PTPRQ: variants seen among roughly 807,000 people sequenced by gnomAD.
PTPRQ encodes protein tyrosine phosphatase receptor type Q.
PTPRQ carries 199 observed loss-of-function variants against 246.0 expected under a neutral mutation model. That is an observed-to-expected ratio of 0.81 (90% confidence interval 0.72 to 0.91). PTPRQ has a LOEUF of 0.91. Among genes scored for constraint, PTPRQ ranks in the 40% least tolerant of loss-of-function variants. The pLI is 0.00. For synonymous variants in PTPRQ, 869 were observed against 853.2 expected (o/e 1.02, Z -0.32); for missense variants, 2,624 against 2,528.4 (o/e 1.04, Z -0.81).
At chr12:80,557,715 C>A (rs969468458) in intron 25 of PTPRQ, among the ~76,000 whole-genome samples, 1 of 152,086 alleles carries the variant, frequency 6.6e-6, no homozygotes, top group African/African-American at 2.4e-5. Context: ...TCCTTCATAT[C>A]CTTTATCCAT....
rs189853705 is a variant in PTPRQ, at chr12:80,554,504, A to G, written c.4285+4770A>G. On this transcript the variant is annotated intron_variant, in intron 25 of 44. Coordinates refer to ENST00000644991, the MANE Select transcript of PTPRQ (RefSeq NM_001145026.2). ...AGCTCTTCCAAGCTCCATAATTTAG[A>G]ATCAAAAGAGAAAAATAAGGTACTT... 3.3e-5 allele frequency among the ~76,000 whole-genome samples: 5 copies of G among 152,332 alleles called. No homozygotes were observed. The East Asian group carries it at 9.7e-4, about 29-fold the overall frequency.
intron 33 of PTPRQ, among the ~76,000 whole-genome samples, chr12:80,626,255 T>C (rs1284485389): frequency 6.6e-6 from 1 of 152,178 alleles, no homozygotes; most frequent in African/African-American, 2.4e-5. Context: ...ACATACTCTG[T>C]AGTCAAGACA....
intron 27 of PTPRQ, among the ~76,000 whole-genome samples, chr12:80,609,667 C>G (rs1000010815): frequency 8.0e-5 from 12 of 150,512 alleles, no homozygotes; most frequent in Non-Finnish European, 1.8e-4. Flanking sequence ...ATAATTATGA[C>G]ATCCACAATT....
At chr12:80,504,329 TC>T (rs1052110630) in intron 14 of PTPRQ, among the ~76,000 whole-genome samples, 42 of 151,988 alleles carry the variant, frequency 2.8e-4, no homozygotes, top group African/African-American at 9.9e-4. Flanking sequence ...TTTGTTCTGT[TC>T]CAGAAGGTCT....
intron 25 of PTPRQ, among the ~76,000 whole-genome samples, chr12:80,553,523 T>C (rs985540615): frequency 6.6e-6 from 1 of 152,154 alleles, no homozygotes; most frequent in African/African-American, 2.4e-5. Context: ...TCCGTACTTA[T>C]TTTTGACATA....
intron 8 of PTPRQ, among the ~76,000 whole-genome samples, chr12:80,473,055 A>ACGCGCGCGCGCG (rs1555185253): frequency 6.6e-6 from 1 of 150,444 alleles, no homozygotes; most frequent in African/African-American, 2.5e-5. Flanking sequence ...ACGCACACAC[A>ACGCGCGCGCGCG]CACACACACA....
chr12:80,613,965 C>G lies in PTPRQ; in HGVS notation c.5163+129C>G, dbSNP rs1898653802. 4.3e-6 allele frequency: 5 copies of G among 1,149,856 alleles called. No individual in the cohort carries two copies. The Admixed American group carries it at 2.0e-4, about 47-fold the overall frequency. The allele number at this position is 1,149,856 out of a possible 1,614,324, so 71.2% of individuals were successfully genotyped here. Reference sequence around the variant, plus strand: ...CTTTTTGTGAGATTGTTTGACATCTCAACAAAAATAAATTTTGAGAACTGA... The same window carrying G: ...CTTTTTGTGAGATTGTTTGACATCTGAACAAAAATAAATTTTGAGAACTGA... On this transcript the variant is annotated intron_variant, in intron 29 of 44. Transcript: ENST00000644991.
At chr12:80,552,057 G>A (rs1896490013) in intron 25 of PTPRQ, among the ~76,000 whole-genome samples, 1 of 151,928 alleles carries the variant, frequency 6.6e-6, no homozygotes, top group Non-Finnish European at 1.5e-5. Flanking sequence ...TCCCAGACTT[G>A]CTGACTCATA....
chr12:80,455,005 C>T (rs1892926612), intron 3 of PTPRQ, among the ~76,000 whole-genome samples: 1 of 152,150 alleles, frequency 6.6e-6, no homozygotes, highest in African/African-American at 2.4e-5. Flanking sequence ...AATCCCATCT[C>T]TACTCAAAAT....
Position 80,444,396 on chromosome 12 carries a change from A to G in PTPRQ, c.51A>G (p.Thr17=). 1 of 1,456,518 alleles carries G rather than the reference A, an allele frequency of 6.9e-7. No homozygotes were observed. Among genetic ancestry groups the G allele is most frequent in the South Asian group, 1.2e-5 (1 of 81,498 alleles). 90.2% of individuals were successfully genotyped at this position (1,456,518 alleles called of 1,614,324 possible). The change falls in exon 1 of 45, where the codon ACA becomes ACG. Residue 17 remains threonine, a synonymous_variant. Transcript: ENST00000644991. ...FLLLFIGTSE[T]QVDVSNVVPG... Reference sequence around the variant, plus strand: ...TACTTTTTATTGGGACTTCAGAGACACAGGTATTTCGTATACACTCTTTAA... The same window carrying G: ...TACTTTTTATTGGGACTTCAGAGACGCAGGTATTTCGTATACACTCTTTAA...
intron 9 of PTPRQ, among the ~76,000 whole-genome samples, chr12:80,487,466 A>C (rs897414562): frequency 2.6e-5 from 4 of 152,084 alleles, no homozygotes; most frequent in Non-Finnish European, 4.4e-5. Context: ...CTCTGACTGG[A>C]CATAACACAA....
intron 25 of PTPRQ, among the ~76,000 whole-genome samples, chr12:80,566,810 G>T (rs1331480733): frequency 6.6e-6 from 1 of 152,054 alleles, no homozygotes; most frequent in East Asian, 1.9e-4. Context: ...AAAATGCTGC[G>T]ATTACAGGCA....
At chr12:80,549,006 C>T (rs552670844) in intron 24 of PTPRQ, among the ~76,000 whole-genome samples, 2 of 152,088 alleles carry the variant, frequency 1.3e-5, no homozygotes, top group African/African-American at 2.4e-5. Flanking sequence ...AAAACCAGTA[C>T]CTTTAAATTA....
chr12:80,674,988 CTCTT>C (rs1901089918), intron 43 of PTPRQ, among the ~76,000 whole-genome samples: 1 of 152,130 alleles, frequency 6.6e-6, no homozygotes, highest in Non-Finnish European at 1.5e-5. Context: ...AATCCACAGT[CTCTT>C]TGTAGGAATC....
rs1442842940 is a variant in PTPRQ, at chr12:80,444,780, A to G, written c.94A>G (p.Ile32Val). The change falls in exon 2 of 45, where the codon ATA becomes GTA. Residue 32 changes from isoleucine (I) to valine (V), a missense_variant. By Grantham distance (29) the Ile-to-Val change is conservative. Coordinates refer to ENST00000644991, the MANE Select transcript of PTPRQ (RefSeq NM_001145026.2). ...SNVVPGTRYD[I>V]TISSISTTYT... Reference sequence around the variant, plus strand: ...TGTCGTTCCTGGTACTAGGTACGATATAACCATCTCTTCAATTTCTACAAC... The same window carrying G: ...TGTCGTTCCTGGTACTAGGTACGATGTAACCATCTCTTCAATTTCTACAAC... 4 of 1,540,672 alleles carry G rather than the reference A, an allele frequency of 2.6e-6. No homozygotes were observed. The East Asian group carries it at 9.9e-5, about 38-fold the overall frequency.
intron 25 of PTPRQ, among the ~76,000 whole-genome samples, chr12:80,565,821 C>A (rs979442823): frequency 3.2e-4 from 48 of 152,256 alleles, no homozygotes; most frequent in African/African-American, 1.1e-3. Flanking sequence ...ATACTACTAA[C>A]CTCAGCTTAC....
chr12:80,529,996 A>G (rs1895797164), intron 17 of PTPRQ, among the ~76,000 whole-genome samples: 1 of 152,180 alleles, frequency 6.6e-6, no homozygotes, highest in Admixed American at 6.5e-5. Flanking sequence ...GATAATAATT[A>G]TTGTGTAACA....
At chr12:80,514,332 C>A (rs895160110) in intron 17 of PTPRQ, among the ~76,000 whole-genome samples, 1 of 146,290 alleles carries the variant, frequency 6.8e-6, no homozygotes, top group East Asian at 2.0e-4. Flanking sequence ...GTAAATGGAA[C>A]GTAGAAAACA....
Position 80,549,653 on chromosome 12 carries a change from T to C in PTPRQ, c.4204T>C (p.Tyr1402His). The C allele has an allele frequency of 6.4e-7, 1 of 1,551,178 alleles. No individual in the cohort carries two copies. The highest frequency in any genetic ancestry group is 2.4e-5 in the East Asian group (1 of 40,904). ...TFIKLLANTS[Y>H]VFKVRASTSA... ...CATAAAGCTTCTTGCCAATACCTCA[T>C]ATGTCTTTAAAGTAAGAGCTTCAAC... Residue 1402 changes from tyrosine to histidine, a missense_variant, in exon 25 of 45, where the codon TAT becomes CAT. Physicochemically the swap from Tyr to His is moderately conservative, Grantham distance 83 (BLOSUM62 2). Transcript: ENST00000644991.
Sources: allele counts gnomAD v4.1 joint callset (sites outside exome capture counted in the v4.1 genomes callset), GRCh38; gene constraint gnomAD v4.1.1; transcripts MANE v1.5; gene names NCBI Gene and HGNC (gene_info 2026-07-23, HGNC 2026-07-21).